DNAH14: variants seen among roughly 807,000 people sequenced by gnomAD.
DNAH14 encodes axonemal beta dynein heavy chain 14.
In DNAH14, 478 loss-of-function variants were observed where a neutral mutation model predicts 520.9. That is an observed-to-expected ratio of 0.92 (90% CI 0.85 to 0.99). The LOEUF is 0.99. DNAH14 is among the 50% of genes least tolerant of loss of function. DNAH14 has a pLI of 0.00. For missense variants in DNAH14, 4,831 were observed against 5,234.5 expected, an observed-to-expected ratio of 0.92 and a Z score of 2.38; for synonymous variants, 1,581 against 1,757.2, an observed-to-expected ratio of 0.90 and a Z score of 2.51.
chr1:224,934,015 T>C (rs2058867773), intron 1 of DNAH14, among the ~76,000 whole-genome samples: 1 of 151,940 alleles, frequency 6.6e-6, no homozygotes, highest in Non-Finnish European at 1.5e-5. Flanking sequence ...GCCAGTACCA[T>C]AGATATATCT....
chr1:225,118,744 G>A (rs1480812259), intron 25 of DNAH14, among the ~76,000 whole-genome samples: 14 of 151,806 alleles, frequency 9.2e-5, no homozygotes, highest in African/African-American at 2.4e-4. Flanking sequence ...TTAGCTGATC[G>A]TGGTGGCAGG....
chr1:225,209,918 G>T (rs1442334215), intron 41 of DNAH14, among the ~76,000 whole-genome samples: 1 of 152,068 alleles, frequency 6.6e-6, no homozygotes, highest in African/African-American at 2.4e-5. Flanking sequence ...CCCTCCCCTA[G>T]CCAAGAGAAG....
chr1:225,125,594 C>T (rs2077653707), intron 27 of DNAH14, among the ~76,000 whole-genome samples: 1 of 152,166 alleles, frequency 6.6e-6, no homozygotes, highest in Admixed American at 6.6e-5. Context: ...AGAGTTAGAG[C>T]CTTGCTCTGG....
At chr1:225,063,838 A>G (rs994768453) in intron 17 of DNAH14, among the ~76,000 whole-genome samples, 4 of 152,102 alleles carry the variant, frequency 2.6e-5, no homozygotes, top group Admixed American at 2.0e-4. Context: ...TGCCCAAAAC[A>G]TGATAAAATT....
At chr1:225,281,091 A>G (rs916286419) in intron 54 of DNAH14, among the ~76,000 whole-genome samples, 1 of 152,200 alleles carries the variant, frequency 6.6e-6, no homozygotes, top group Non-Finnish European at 1.5e-5. Context: ...TGCCTATGAA[A>G]CACATTGCAA....
intron 7 of DNAH14, among the ~76,000 whole-genome samples, chr1:224,970,411 C>G (rs1366811853): frequency 1.3e-5 from 2 of 152,060 alleles, no homozygotes; most frequent in Non-Finnish European, 2.9e-5. Flanking sequence ...GTGATGTTGC[C>G]CTGCCTCCAT....
At position 225,043,030 on chromosome 1, in the gene DNAH14, G is replaced by A; in HGVS notation, c.1684G>A (p.Val562Ile). The A allele has an allele frequency of 6.4e-7, 1 of 1,551,498 alleles. No individual in the cohort carries two copies. ...AATGTCAGAAAATAAAGACAATTGT[G>A]TCAAAAAACACTCAAGTGAAGAATT... Reference protein sequence around the residue: ...DEMSENKDNCVKKHSSEELLP... With the variant: ...DEMSENKDNCIKKHSSEELLP... The change falls in exon 13 of 86, where the codon GTC becomes ATC. Residue 562 changes from valine (V) to isoleucine (I), a missense_variant. Physicochemically the swap from Val to Ile is conservative, Grantham distance 29. Coordinates refer to ENST00000682510, the MANE Select transcript of DNAH14 (RefSeq NM_001367479.1).
intron 7 of DNAH14, among the ~76,000 whole-genome samples, chr1:224,971,146 C>T (rs2061481472): frequency 1.3e-5 from 2 of 152,130 alleles, no homozygotes; most frequent in Admixed American, 1.3e-4. Context: ...TATCACATCA[C>T]ATTAGGATTC....
chr1:225,322,941 G>GT, intron 62 of DNAH14, 118 bp downstream of exon 62: 1 of 1,059,670 alleles, frequency 9.4e-7, no homozygotes, highest in Non-Finnish European at 1.3e-6. Context: ...TAGGAAAATA[G>GT]CTCTATTCTT....
In DNAH14 at chr1:225,283,411, G is replaced by A. The variant is rs147610843; in HGVS notation, c.8271+5909G>A. Among the ~76,000 whole-genome samples the A allele has an allele frequency of 2.9e-3, 426 of 147,492 alleles. 3 individuals are homozygous for A. Among genetic ancestry groups the A allele is most frequent in the Non-Finnish European group, 3.7e-3 (247 of 67,008 alleles). ...TAATATCAGGCAAAGTAGACTTTCA[G>A]GAAAAAATTAAGTGTTCTGAGACCA... is the stretch of plus-strand genomic sequence containing the variant. On this transcript the variant is annotated intron_variant, in intron 54 of 85. Coordinates refer to ENST00000682510, the MANE Select transcript of DNAH14 (RefSeq NM_001367479.1).
chr1:225,315,391 T>A (rs1224794048), intron 60 of DNAH14, among the ~76,000 whole-genome samples: 1 of 152,034 alleles, frequency 6.6e-6, no homozygotes, highest in East Asian at 1.9e-4. Flanking sequence ...AACATGCTCC[T>A]TTAGCTCAGA....
intron 34 of DNAH14, among the ~76,000 whole-genome samples, chr1:225,154,131 G>A (rs561986980): frequency 1.3e-5 from 2 of 152,066 alleles, no homozygotes; most frequent in African/African-American, 4.8e-5. Flanking sequence ...AAGACTATAT[G>A]AATATACCTA....
intron 36 of DNAH14, among the ~76,000 whole-genome samples, chr1:225,170,058 C>G (rs188271752): frequency 3.3e-4 from 50 of 152,250 alleles, no homozygotes; most frequent in African/African-American, 1.1e-3. Flanking sequence ...CCTTTACAGA[C>G]AAGCAAATGC....
At chr1:225,030,686 A>G (rs1169164635) in intron 11 of DNAH14, among the ~76,000 whole-genome samples, 2 of 151,984 alleles carry the variant, frequency 1.3e-5, no homozygotes, top group Non-Finnish European at 2.9e-5. Context: ...TTAATTAAAT[A>G]TATTCATGAG....
chr1:225,187,454 C>T (rs535079466), intron 37 of DNAH14, among the ~76,000 whole-genome samples: 1 of 151,862 alleles, frequency 6.6e-6, no homozygotes, highest in East Asian at 1.9e-4. Context: ...CTGTTGTAAA[C>T]ATTTGTGTAC....
At chr1:225,048,365 T>C (rs2068154340) in intron 15 of DNAH14, among the ~76,000 whole-genome samples, 1 of 151,878 alleles carries the variant, frequency 6.6e-6, no homozygotes. Context: ...AGCCAGGCAT[T>C]GTGGCACGCA....
chr1:224,991,261 ATT>A (rs60395237), intron 8 of DNAH14, among the ~76,000 whole-genome samples: 13,394 of 134,906 alleles, frequency 0.099, 2,041 homozygotes, highest in African/African-American at 0.34. Context: ...TGCCCAGCTA[ATT>A]TTTTTTTTTT....
chr1:225,044,121 G>GA (rs985737645), intron 15 of DNAH14, 138 bp downstream of exon 15: 1 of 548,918 alleles, frequency 1.8e-6, no homozygotes. Flanking sequence ...CAGTCCTTGG[G>GA]ATCAAACACT....
intron 41 of DNAH14, 113 bp downstream of exon 41, chr1:225,207,333 A>C (rs980392477): frequency 8.7e-7 from 1 of 1,148,274 alleles, no homozygotes; most frequent in Non-Finnish European, 1.2e-6. Context: ...TTTTTAGTCT[A>C]TTTGGACCAA....
Sources: allele counts gnomAD v4.1 joint callset (sites outside exome capture counted in the v4.1 genomes callset), GRCh38; gene constraint gnomAD v4.1.1; transcripts MANE v1.5; gene names NCBI Gene and HGNC (gene_info 2026-07-23, HGNC 2026-07-21).